The following CSMD1 variants were observed in gnomAD, a reference collection of about 807,000 sequenced individuals.
CSMD1 encodes the protein CUB and sushi domain-containing protein 1.
Under a neutral mutation model 417.5 loss-of-function variants are expected in CSMD1, and 213 were observed. That is an observed-to-expected ratio of 0.51 (90% confidence interval 0.46 to 0.57). The LOEUF (loss-of-function observed/expected upper bound fraction) is 0.57, where lower values mean the gene tolerates loss of function less well. Among genes scored for constraint, CSMD1 ranks in the 20% least tolerant of loss-of-function variants. CSMD1 has a pLI of 0.00. For missense variants in CSMD1, 6,923 were observed against 4,529.7 expected (o/e 1.53, Z -15.17); for synonymous variants, 2,862 against 1,736.8 (o/e 1.65, Z -16.11).
chr8:4,170,095 A>G, intron 3 of CSMD1, among the ~76,000 whole-genome samples: 1 of 151,946 alleles, frequency 6.6e-6, no homozygotes, highest in African/African-American at 2.4e-5. Flanking sequence ...GATTAAAAAT[A>G]TGTATCCCTA....
intron 1 of CSMD1, among the ~76,000 whole-genome samples, chr8:4,743,588 T>C (rs754045236): frequency 2.0e-5 from 3 of 152,146 alleles, no homozygotes; most frequent in Non-Finnish European, 4.4e-5. Flanking sequence ...GATTATTGGG[T>C]CATTCCCTGG....
intron 3 of CSMD1, among the ~76,000 whole-genome samples, chr8:4,281,428 A>C (rs1796779098): frequency 6.6e-6 from 1 of 152,236 alleles, no homozygotes; most frequent in Non-Finnish European, 1.5e-5. Flanking sequence ...TAAAGCTATG[A>C]AATTAACACT....
chr8:3,445,474 G>T (rs1057368055), intron 12 of CSMD1, among the ~76,000 whole-genome samples: 1 of 152,158 alleles, frequency 6.6e-6, no homozygotes, highest in African/African-American at 2.4e-5. Flanking sequence ...TAAACACACA[G>T]CTCGAGCAGA....
At chr8:3,754,162 G>T in intron 5 of CSMD1, 120 bp from the exon 6 acceptor site, 1 of 574,838 alleles carries the variant, frequency 1.7e-6, no homozygotes, top group Non-Finnish European at 3.2e-6. Flanking sequence ...TTAAAACAGA[G>T]GCCATGTATT....
chr8:4,757,346 G>T (rs117266183), intron 1 of CSMD1, among the ~76,000 whole-genome samples: 1 of 152,164 alleles, frequency 6.6e-6, no homozygotes, highest in East Asian at 1.9e-4. Flanking sequence ...CTGTGTGCTA[G>T]CTAGGCCCCA....
At chr8:3,997,876 T>C in intron 5 of CSMD1, 27 bp downstream of exon 5, 3 of 1,593,944 alleles carry the variant, frequency 1.9e-6, no homozygotes, top group Non-Finnish European at 2.6e-6. Flanking sequence ...ACCTGTATCC[T>C]TTGTGGCATC....
chr8:3,999,600 A>G (rs182110946), intron 4 of CSMD1, among the ~76,000 whole-genome samples: 120 of 152,308 alleles, frequency 7.9e-4, no homozygotes, highest in African/African-American at 2.7e-3. Context: ...GGTAGTTGAC[A>G]GCACACGGTT....
intron 4 of CSMD1, 84 bp from the exon 5 acceptor site, chr8:3,998,194 T>C (rs558877839): frequency 4.0e-6 from 5 of 1,237,384 alleles, no homozygotes; most frequent in Middle Eastern, 2.8e-4. Flanking sequence ...TCACTCTTGA[T>C]CAGCGACAAA....
chr8:4,767,806 A>C (rs1812566750), intron 1 of CSMD1, among the ~76,000 whole-genome samples: 1 of 152,114 alleles, frequency 6.6e-6, no homozygotes, highest in Non-Finnish European at 1.5e-5. Flanking sequence ...CCAAACACTT[A>C]TTTACCCGAG....
intron 5 of CSMD1, among the ~76,000 whole-genome samples, chr8:3,770,260 T>G (rs73658246): frequency 0.026 from 4,009 of 152,192 alleles, 191 homozygotes; most frequent in African/African-American, 0.092. Flanking sequence ...GGGCACAGTG[T>G]CTCATGCCTG....
chr8:4,837,331 G>C (rs1356965072), intron 1 of CSMD1, among the ~76,000 whole-genome samples: 3 of 152,160 alleles, frequency 2.0e-5, no homozygotes, highest in Admixed American at 2.0e-4. Flanking sequence ...CAATAGCAGA[G>C]ATTTGGAAGC....
chr8:4,912,170 G>C (rs1405297326), intron 1 of CSMD1, among the ~76,000 whole-genome samples: 1 of 94,546 alleles, frequency 1.1e-5, no homozygotes, highest in Non-Finnish European at 2.5e-5. Context: ...GAACGGAAAA[G>C]AAAAAGACAA....
At chr8:4,349,974 G>A (rs1382802085) in intron 3 of CSMD1, among the ~76,000 whole-genome samples, 2 of 151,900 alleles carry the variant, frequency 1.3e-5, no homozygotes, top group African/African-American at 4.8e-5. Context: ...TAGACTTAAG[G>A]GATCCAAAGT....
intron 3 of CSMD1, among the ~76,000 whole-genome samples, chr8:4,371,306 ATACTCACAGAC>A (rs1053686251): frequency 1.1e-4 from 17 of 152,184 alleles, no homozygotes; most frequent in Non-Finnish European, 2.1e-4. Context: ...AGAGGCCAAG[ATACTCACAGAC>A]TACTGGCAAC....
intron 3 of CSMD1, among the ~76,000 whole-genome samples, chr8:4,417,598 C>G (rs1176526341): frequency 1.3e-5 from 2 of 151,858 alleles, no homozygotes; most frequent in Non-Finnish European, 2.9e-5. Context: ...TTGGATTATA[C>G]ATCAGTATTT....
intron 1 of CSMD1, among the ~76,000 whole-genome samples, chr8:4,976,477 G>A (rs570694620): frequency 5.9e-5 from 9 of 152,208 alleles, no homozygotes; most frequent in African/African-American, 2.2e-4. Flanking sequence ...ACTTCACAAT[G>A]CTCCTATAAT....
intron 1 of CSMD1, among the ~76,000 whole-genome samples, chr8:4,858,162 A>T (rs1018740390): frequency 6.7e-6 from 1 of 149,684 alleles, no homozygotes; most frequent in Non-Finnish European, 1.5e-5. Flanking sequence ...AAAGACAAAA[A>T]CCACATGATT....
intron 10 of CSMD1, among the ~76,000 whole-genome samples, chr8:3,497,121 G>A (rs1402652571): frequency 6.6e-6 from 1 of 152,176 alleles, no homozygotes; most frequent in African/African-American, 2.4e-5. Flanking sequence ...GTATTATGCA[G>A]CTGTTGGATG....
chr8:3,610,918 C>G (rs188038580), intron 8 of CSMD1, among the ~76,000 whole-genome samples: 1 of 151,854 alleles, frequency 6.6e-6, no homozygotes. Flanking sequence ...ATGGGAAAAA[C>G]TGATGGCGAT....
Sources: allele counts gnomAD v4.1 joint callset (sites outside exome capture counted in the v4.1 genomes callset), GRCh38; gene constraint gnomAD v4.1.1; transcripts MANE v1.5; gene names NCBI Gene and HGNC (gene_info 2026-07-23, HGNC 2026-07-21).